SPATS2L: variants seen among roughly 807,000 people sequenced by gnomAD.
The protein encoded by SPATS2L is SPATS2-like protein.
SPATS2L carries 30 observed loss-of-function variants against 59.6 expected under a neutral mutation model. The observed-to-expected ratio is 0.50, with a 90% CI of 0.38 to 0.68. The LOEUF (loss-of-function observed/expected upper bound fraction) is 0.68. Ranked by LOEUF, SPATS2L falls within the 30% of genes least tolerant of loss-of-function variation. SPATS2L has a pLI of 0.00. For missense variants in SPATS2L, 615 were observed against 700.0 expected (o/e 0.88, Z 1.37); for synonymous variants, 252 against 263.5 (o/e 0.96, Z 0.42).
intron 2 of SPATS2L, among the ~76,000 whole-genome samples, chr2:200,354,120 G>GC: frequency 6.6e-6 from 1 of 152,306 alleles, no homozygotes; most frequent in Middle Eastern, 3.4e-3. Flanking sequence ...TGAATCATTA[G>GC]CTCAGACCCT....
intron 1 of SPATS2L, among the ~76,000 whole-genome samples, chr2:200,309,322 G>C (rs956776730): frequency 3.3e-5 from 5 of 152,152 alleles, no homozygotes; most frequent in African/African-American, 1.2e-4. Flanking sequence ...TTACAGTTTG[G>C]ATAGGATGGA....
At chr2:200,386,819 TC>T (rs1181920493) in intron 2 of SPATS2L, among the ~76,000 whole-genome samples, 1 of 152,102 alleles carries the variant, frequency 6.6e-6, no homozygotes, top group Non-Finnish European at 1.5e-5. Flanking sequence ...TACCTCTCTC[TC>T]TCCTCCCCCT....
At chr2:200,327,643 G>T (rs992676940) in intron 1 of SPATS2L, among the ~76,000 whole-genome samples, 4 of 152,162 alleles carry the variant, frequency 2.6e-5, no homozygotes, top group African/African-American at 9.7e-5. Flanking sequence ...CTTTTGTGGG[G>T]CATAAAGAAA....
rs372392938 is a variant in SPATS2L, at chr2:200,349,595, G to A, written c.-23+20115G>A. Among the ~76,000 whole-genome samples the A allele has an allele frequency of 3.0e-4, 46 of 152,282 alleles. No homozygotes were observed. The East Asian group carries it at 8.1e-3, about 27-fold the overall frequency. The stretch of plus-strand genomic sequence containing the variant: ...AGAGGTGGTAGTGAGCTGAGATGGC[G>A]CCACTGCACTCCAGCCTGGACAACA... On this transcript the variant is annotated intron_variant, in intron 2 of 12. Transcript: ENST00000409140.
chr2:200,391,717 G>T (rs539242241), intron 3 of SPATS2L, among the ~76,000 whole-genome samples: 13 of 152,328 alleles, frequency 8.5e-5, no homozygotes, highest in African/African-American at 3.1e-4. Context: ...GGACACTGAG[G>T]CTTGAGGTCA....
chr2:200,378,447 G>A (rs1478300424), intron 2 of SPATS2L: 1 of 971,510 alleles, frequency 1.0e-6, no homozygotes, highest in Non-Finnish European at 1.2e-6. Context: ...GGCTGCCTGG[G>A]GGTACTCTCC....
intron 6 of SPATS2L, among the ~76,000 whole-genome samples, chr2:200,431,247 A>C (rs1219184677): frequency 1.3e-5 from 2 of 152,188 alleles, no homozygotes; most frequent in African/African-American, 4.8e-5. Context: ...CTTTTTAAGA[A>C]GTTTCTTTTC....
intron 6 of SPATS2L, among the ~76,000 whole-genome samples, chr2:200,423,814 G>C (rs1362597276): frequency 2.0e-5 from 3 of 152,198 alleles, no homozygotes; most frequent in Non-Finnish European, 4.4e-5. Flanking sequence ...GAACATGTGG[G>C]ATGCGTGTTT....
At position 200,405,517 on chromosome 2, in the gene SPATS2L, G is replaced by A. The variant is rs192745601; in HGVS notation, c.40-6794G>A. ...ATGTTAGAAAAGGCAATTAAATTATGGAATTATCCATGATGTGAAGGTACT... is the reference window on the plus strand; with the variant it reads ...ATGTTAGAAAAGGCAATTAAATTATAGAATTATCCATGATGTGAAGGTACT... On this transcript the variant is annotated intron_variant, in intron 3 of 12. Transcript: ENST00000409140. 2.7e-3 allele frequency among the ~76,000 whole-genome samples: 404 copies of A among 152,220 alleles called. 3 individuals carry two copies. The highest frequency in any genetic ancestry group is 9.3e-3 in the African/African-American group (385 of 41,518).
At chr2:200,406,118 T>C (rs1385489931) in intron 3 of SPATS2L, among the ~76,000 whole-genome samples, 1 of 152,158 alleles carries the variant, frequency 6.6e-6, no homozygotes, top group Non-Finnish European at 1.5e-5. Flanking sequence ...TTCTAGACCC[T>C]GTGGATATAA....
chr2:200,442,061 A>C (rs1177087951), intron 8 of SPATS2L, among the ~76,000 whole-genome samples: 1 of 152,106 alleles, frequency 6.6e-6, no homozygotes, highest in African/African-American at 2.4e-5. Flanking sequence ...AGCCTCTCAG[A>C]GGCCCTCTGA....
intron 5 of SPATS2L, among the ~76,000 whole-genome samples, chr2:200,417,615 T>C (rs2278515): frequency 0.34 from 51,719 of 151,898 alleles, 10,092 homozygotes; most frequent in Non-Finnish European, 0.42. Context: ...CCCAGCCAAG[T>C]AGATGTGAGG....
At chr2:200,350,111 T>A (rs1490132638) in intron 2 of SPATS2L, among the ~76,000 whole-genome samples, 1 of 152,154 alleles carries the variant, frequency 6.6e-6, no homozygotes, top group Non-Finnish European at 1.5e-5. Context: ...AAACCACATA[T>A]GTCCCACAGG....
chr2:200,470,097 T>C, intron 11 of SPATS2L, 81 bp downstream of exon 11: 1 of 1,158,170 alleles, frequency 8.6e-7, no homozygotes, highest in Non-Finnish European at 1.2e-6. Flanking sequence ...ATGTCAGGTG[T>C]GCAGTCCCCC....
intron 1 of SPATS2L, among the ~76,000 whole-genome samples, chr2:200,310,562 T>C (rs2079160676): frequency 6.6e-6 from 1 of 152,340 alleles, no homozygotes; most frequent in African/African-American, 2.4e-5. Flanking sequence ...CCCTCAAAAC[T>C]CTTCAAGGAT....
intron 2 of SPATS2L, 26 bp from the exon 3 acceptor site, chr2:200,389,197 C>T: frequency 6.7e-7 from 1 of 1,482,154 alleles, no homozygotes. Context: ...AATTTTAAAA[C>T]TTAATCTTGT....
Position 200,480,048 on chromosome 2 carries a change from T to C in SPATS2L, c.*2017T>C, listed in dbSNP as rs183348058. 22 of 267,402 alleles carry C rather than the reference T, an allele frequency of 8.2e-5. No individual in the cohort carries two copies. The highest frequency in any genetic ancestry group is 4.3e-4 in the African/African-American group (20 of 46,272). The allele number at this position is 267,402 out of a possible 1,614,324, so 16.6% of individuals were successfully genotyped here. A position where few individuals can be genotyped will look rare whatever the true frequency, so the allele number is the denominator to read the frequency against. On this transcript the variant is annotated 3_prime_UTR_variant, in exon 13 of 13. Transcript: ENST00000409140. ...CGGAAGGATTTTGCACAGTTTTTTA[T>C]GTAGCAAGATTTTGCTCACCACTGA...
intron 8 of SPATS2L, 21 bp downstream of exon 8, chr2:200,440,805 A>G (rs2084643954): frequency 6.2e-7 from 1 of 1,610,406 alleles, no homozygotes; most frequent in Non-Finnish European, 8.5e-7. Flanking sequence ...CAACGTAGGA[A>G]CCATAAATTT....
intron 1 of SPATS2L, among the ~76,000 whole-genome samples, chr2:200,311,274 A>AT (rs1170340351): frequency 2.6e-5 from 4 of 151,704 alleles, no homozygotes; most frequent in Admixed American, 6.6e-5. Flanking sequence ...GTCTGTCAAG[A>AT]TTTTTTTTTC....
Sources: gnomAD v4.1 joint callset for allele counts (sites outside exome capture counted in the v4.1 genomes callset) on GRCh38, gnomAD v4.1.1 for gene constraint, MANE v1.5 for transcripts, NCBI Gene and HGNC (gene_info 2026-07-23, HGNC 2026-07-21) for gene names.